SNTB1: variants seen among roughly 807,000 people sequenced by gnomAD.
SNTB1 encodes beta-1-syntrophin.
A neutral mutation model predicts 48.9 loss-of-function variants in SNTB1; 36 were observed. The ratio of observed to expected loss-of-function variants is 0.74; its 90% confidence interval spans 0.56 to 0.97. The LOEUF is 0.97. Among genes scored for constraint, SNTB1 ranks in the 50% least tolerant of loss-of-function variants. The pLI is 0.00. For missense variants in SNTB1, 786 were observed against 703.4 expected (o/e 1.12, Z -1.33); for synonymous variants, 299 against 294.6 (o/e 1.01, Z -0.15).
At chr8:120,547,532 G>T (rs1167277895) in intron 5 of SNTB1, among the ~76,000 whole-genome samples, 1 of 148,644 alleles carries the variant, frequency 6.7e-6, no homozygotes, top group African/African-American at 2.5e-5. Flanking sequence ...GTGAGATGGA[G>T]GTCGCAGTGA....
chr8:120,728,289 C>T (rs1346450464), intron 1 of SNTB1, among the ~76,000 whole-genome samples: 2 of 152,062 alleles, frequency 1.3e-5, no homozygotes, highest in African/African-American at 2.4e-5. Flanking sequence ...CCACTGTGTC[C>T]GGCTGTGAAG....
intron 1 of SNTB1, among the ~76,000 whole-genome samples, chr8:120,764,416 G>A (rs1455193697): frequency 6.6e-6 from 1 of 152,178 alleles, no homozygotes; most frequent in Non-Finnish European, 1.5e-5. Context: ...TATAAGCAGT[G>A]ACTTTATCCA....
intron 2 of SNTB1, among the ~76,000 whole-genome samples, chr8:120,670,719 G>A (rs1285959015): frequency 1.3e-5 from 2 of 152,146 alleles, no homozygotes; most frequent in Admixed American, 6.5e-5. Flanking sequence ...AAGTCAAAAG[G>A]AGGGGCAAGA....
intron 2 of SNTB1, among the ~76,000 whole-genome samples, chr8:120,688,015 G>A (rs1041923149): frequency 2.6e-5 from 4 of 152,156 alleles, no homozygotes; most frequent in Non-Finnish European, 5.9e-5. Flanking sequence ...TTAACAGATG[G>A]CACCTCTCTG....
Position 120,710,095 on chromosome 8 carries a change from C to G in SNTB1, c.572-16187G>C, listed in dbSNP as rs147383757. ...ACTATCCCCCCTCCGTTTCCGCAGA[C>G]AGCCCAGGGGCAAGCAAAAGGGCAA... On this transcript the variant is annotated intron_variant, in intron 1 of 6. Transcript: ENST00000517992. Among the ~76,000 whole-genome samples the G allele has an allele frequency of 5.2e-3, 799 of 152,266 alleles. 5 individuals are homozygous for G. Among genetic ancestry groups the G allele is most frequent in the Non-Finnish European group, 5.5e-3 (373 of 68,026 alleles).
chr8:120,773,393 T>C (rs574867700), intron 1 of SNTB1, among the ~76,000 whole-genome samples: 13 of 152,314 alleles, frequency 8.5e-5, no homozygotes, highest in African/African-American at 3.1e-4. Flanking sequence ...AAAGAGAGAT[T>C]GGCATGGATG....
At chr8:120,767,035 G>A (rs1819537557) in intron 1 of SNTB1, among the ~76,000 whole-genome samples, 1 of 152,136 alleles carries the variant, frequency 6.6e-6, no homozygotes, top group South Asian at 2.1e-4. Flanking sequence ...ATGTTTTACA[G>A]ATGGCCAGAA....
chr8:120,793,241 G>A (rs933111448), intron 1 of SNTB1, among the ~76,000 whole-genome samples: 1 of 152,002 alleles, frequency 6.6e-6, no homozygotes, highest in African/African-American at 2.4e-5. Flanking sequence ...GGAAAGAGAG[G>A]TGGAAGGAGA....
chr8:120,558,426 G>A (rs1292691416), intron 4 of SNTB1, among the ~76,000 whole-genome samples: 1 of 152,184 alleles, frequency 6.6e-6, no homozygotes, highest in Non-Finnish European at 1.5e-5. Context: ...GAAACTGCTT[G>A]AGAAACCCAA....
chr8:120,546,521 T>C (rs6999935), intron 5 of SNTB1, among the ~76,000 whole-genome samples: 6,750 of 152,240 alleles, frequency 0.044, 296 homozygotes, highest in African/African-American at 0.12. Flanking sequence ...TTTCACTCAG[T>C]CTGGAGTGCA....
At chr8:120,593,931 G>T (rs895871008) in intron 3 of SNTB1, among the ~76,000 whole-genome samples, 1 of 152,094 alleles carries the variant, frequency 6.6e-6, no homozygotes, top group Non-Finnish European at 1.5e-5. Context: ...GGAGAGAGGA[G>T]GGACTTTCAT....
chr8:120,752,414 A>C (rs1236138579), intron 1 of SNTB1, among the ~76,000 whole-genome samples: 1 of 152,114 alleles, frequency 6.6e-6, no homozygotes, highest in Non-Finnish European at 1.5e-5. Flanking sequence ...CCCTCATAAG[A>C]ATTTGATCCA....
rs182912409 is a variant in SNTB1 at position 120,719,956 on chromosome 8, A to G, written c.572-26048T>C. 2.8e-3 allele frequency among the ~76,000 whole-genome samples: 431 copies of G among 152,338 alleles called. 9 individuals are homozygous for G. The highest frequency in any genetic ancestry group is 0.027 in the Admixed American group (410 of 15,302). On this transcript the variant is annotated intron_variant, in intron 1 of 6. Transcript: ENST00000517992. ...CCTTCCTATTTGTAAAATGACTTCAAACTGTCTACATAGTTCAATTAAAAT... is the reference window on the plus strand; with the variant it reads ...CCTTCCTATTTGTAAAATGACTTCAGACTGTCTACATAGTTCAATTAAAAT...
chr8:120,599,383 G>T lies in SNTB1; in HGVS notation c.997-24158C>A, dbSNP rs187502154. Among the ~76,000 whole-genome samples, 3 of 152,348 alleles carry T rather than the reference G, an allele frequency of 2.0e-5. No homozygotes were observed. The East Asian group carries it at 5.8e-4, about 29-fold the overall frequency. The stretch of plus-strand genomic sequence containing the variant: ...CCAGAAAATGTGAGGTTGACAAAAT[G>T]ACCTTGTGTGCACATGCAGATTTTT... On this transcript the variant is annotated intron_variant, in intron 3 of 6. Coordinates refer to ENST00000517992, the MANE Select transcript of SNTB1 (RefSeq NM_021021.4).
chr8:120,583,406 G>T (rs934749960), intron 3 of SNTB1, among the ~76,000 whole-genome samples: 1 of 151,898 alleles, frequency 6.6e-6, no homozygotes, highest in Admixed American at 6.6e-5. Flanking sequence ...CTCCTACTCA[G>T]GAGGGTGAAG....
At chr8:120,800,656 T>G (rs1180282670) in intron 1 of SNTB1, among the ~76,000 whole-genome samples, 1 of 152,052 alleles carries the variant, frequency 6.6e-6, no homozygotes, top group Admixed American at 6.6e-5. Flanking sequence ...TGCATCAGCA[T>G]TGAAAAAGTA....
At chr8:120,773,908 C>T (rs1338999046) in intron 1 of SNTB1, among the ~76,000 whole-genome samples, 1 of 152,212 alleles carries the variant, frequency 6.6e-6, no homozygotes, top group Non-Finnish European at 1.5e-5. Flanking sequence ...TTTTAACCAC[C>T]ATGCAATTTT....
chr8:120,539,148 C>T (rs1209782979), intron 6 of SNTB1, among the ~76,000 whole-genome samples, 179 bp from the exon 7 acceptor site: 2 of 152,108 alleles, frequency 1.3e-5, no homozygotes, highest in Non-Finnish European at 2.9e-5. Flanking sequence ...GAACTTATTC[C>T]TTACATCTCA....
intron 3 of SNTB1, among the ~76,000 whole-genome samples, chr8:120,585,774 A>T (rs1236658993): frequency 2.0e-5 from 3 of 152,178 alleles, no homozygotes; most frequent in Admixed American, 6.5e-5. Flanking sequence ...CCCAGGGCAG[A>T]TGTTTGCAAG....
Sources: gnomAD v4.1 joint callset for allele counts (sites outside exome capture counted in the v4.1 genomes callset) on GRCh38, gnomAD v4.1.1 for gene constraint, MANE v1.5 for transcripts, NCBI Gene and HGNC (gene_info 2026-07-23, HGNC 2026-07-21) for gene names.